The following WDR7 variants were observed in gnomAD, a reference collection of about 807,000 sequenced individuals.
WDR7 encodes WD repeat domain 7, also known as WD repeat-containing protein 7.
WDR7 carries 46 observed loss-of-function variants against 169.4 expected under a neutral mutation model. That is an observed-to-expected ratio of 0.27 (90% CI 0.21 to 0.35). WDR7 has a LOEUF of 0.35. Among genes scored for constraint, WDR7 ranks in the 10% least tolerant of loss-of-function variants. WDR7 has a pLI of 1.00. For synonymous variants in WDR7, 612 were observed against 666.8 expected (o/e 0.92, Z 1.27); for missense variants, 1,534 against 1,859.3 (o/e 0.83, Z 3.22).
At chr18:57,005,766 C>G (rs1489848974) in intron 26 of WDR7, among the ~76,000 whole-genome samples, 1 of 152,098 alleles carries the variant, frequency 6.6e-6, no homozygotes, top group African/African-American at 2.4e-5. Flanking sequence ...GAAGAATTGT[C>G]TTGGTCCACA....
chr18:57,025,936 C>T (rs1599257878), intron 27 of WDR7, among the ~76,000 whole-genome samples: 1 of 152,186 alleles, frequency 6.6e-6, no homozygotes, highest in Non-Finnish European at 1.5e-5. Context: ...TCATGCAAAT[C>T]TCTAGAATCT....
intron 21 of WDR7, among the ~76,000 whole-genome samples, chr18:56,888,921 GA>G (rs2046231133): frequency 6.6e-6 from 1 of 152,130 alleles, no homozygotes; most frequent in Non-Finnish European, 1.5e-5. Flanking sequence ...TAGTTACATA[GA>G]AGGCCTCAGT....
chr18:56,872,066 T>C (rs146986840), intron 20 of WDR7, among the ~76,000 whole-genome samples: 3 of 151,376 alleles, frequency 2.0e-5, no homozygotes, highest in Non-Finnish European at 4.4e-5. Flanking sequence ...CCTAATGCAA[T>C]AATAAAGCCC....
chr18:56,833,763 A>T (rs1261823126), intron 20 of WDR7, among the ~76,000 whole-genome samples: 2 of 152,328 alleles, frequency 1.3e-5, no homozygotes, highest in East Asian at 3.9e-4. Context: ...ATTCTAGACC[A>T]ATCTTTCCCG....
intron 13 of WDR7, among the ~76,000 whole-genome samples, chr18:56,730,120 C>T (rs189043289): frequency 6.1e-4 from 93 of 152,274 alleles, no homozygotes; most frequent in African/African-American, 2.1e-3. Flanking sequence ...TCTGTGCCTC[C>T]AATGTGCTGG....
At chr18:56,747,523 C>A (rs1042063884) in intron 14 of WDR7, among the ~76,000 whole-genome samples, 1 of 152,188 alleles carries the variant, frequency 6.6e-6, no homozygotes, top group Non-Finnish European at 1.5e-5. Flanking sequence ...CCAGTGGGCC[C>A]TGGCATTGGG....
At chr18:56,990,644 G>GATTTTAAAATGCAAAT (rs2047797985) in intron 26 of WDR7, among the ~76,000 whole-genome samples, 1 of 152,124 alleles carries the variant, frequency 6.6e-6, no homozygotes, top group Non-Finnish European at 1.5e-5. Flanking sequence ...TTTCCATCAT[G>GATTTTAAAATGCAAAT]ATTTTAAAAT....
chr18:56,668,677 A>G (rs2025070815), intron 1 of WDR7, among the ~76,000 whole-genome samples: 1 of 152,220 alleles, frequency 6.6e-6, no homozygotes, highest in Non-Finnish European at 1.5e-5. Flanking sequence ...AGTTGGTAGT[A>G]TTATTTCTAA....
intron 26 of WDR7, among the ~76,000 whole-genome samples, chr18:57,017,412 CTGTGTGTGTGTGTGTG>C (rs10571337): frequency 2.8e-5 from 4 of 143,752 alleles, no homozygotes; most frequent in South Asian, 2.3e-4. Context: ...CAGCATCATG[CTGTGTGTGTGTGTGTG>C]TGTGTGTGTG....
At chr18:56,895,419 A>G (rs567456851) in intron 21 of WDR7, among the ~76,000 whole-genome samples, 39 of 152,004 alleles carry the variant, frequency 2.6e-4, no homozygotes, top group African/African-American at 9.4e-4. Flanking sequence ...TACAATTTCA[A>G]CTTACCCAAT....
intron 21 of WDR7, among the ~76,000 whole-genome samples, chr18:56,889,203 G>A (rs1159429628): frequency 5.3e-5 from 8 of 152,186 alleles, no homozygotes; most frequent in Non-Finnish European, 1.0e-4. Flanking sequence ...GGGCAACCTT[G>A]CCAGCTTCCT....
At chr18:56,831,352 T>C (rs1209770463) in intron 20 of WDR7, among the ~76,000 whole-genome samples, 1 of 152,064 alleles carries the variant, frequency 6.6e-6, no homozygotes, top group Admixed American at 6.5e-5. Flanking sequence ...GCTGCTTTAC[T>C]CATATTCAGG....
At chr18:56,954,165 A>G (rs746696098) in intron 25 of WDR7, among the ~76,000 whole-genome samples, 1 of 152,244 alleles carries the variant, frequency 6.6e-6, no homozygotes, top group Non-Finnish European at 1.5e-5. Context: ...ATCCCTCTAA[A>G]ATCATTGACA....
chr18:56,763,617 T>C (rs2044015850), intron 16 of WDR7, among the ~76,000 whole-genome samples: 1 of 152,208 alleles, frequency 6.6e-6, no homozygotes. Context: ...CAGAATGAAT[T>C]AGGAAGTAGC....
At chr18:56,988,637 A>G (rs999302735) in intron 26 of WDR7, among the ~76,000 whole-genome samples, 58 of 113,920 alleles carry the variant, frequency 5.1e-4, no homozygotes, top group African/African-American at 1.2e-3. Flanking sequence ...GTGTGTGTGT[A>G]TAGAGTCGTC....
intron 3 of WDR7, 85 bp from the exon 4 acceptor site, chr18:56,681,228 G>A: frequency 1.1e-6 from 1 of 935,748 alleles, no homozygotes; most frequent in African/African-American, 1.7e-5. Context: ...AGTTTTAATG[G>A]AAGATTAATT....
chr18:56,895,043 A>G (rs1233071769), intron 21 of WDR7, among the ~76,000 whole-genome samples: 1 of 152,120 alleles, frequency 6.6e-6, no homozygotes, highest in Non-Finnish European at 1.5e-5. Context: ...ATTAAGCTGA[A>G]ACTAAAAGCT....
intron 15 of WDR7, 32 bp from the exon 16 acceptor site, chr18:56,758,833 A>G: frequency 6.5e-7 from 1 of 1,541,374 alleles, no homozygotes; most frequent in Non-Finnish European, 8.9e-7. Flanking sequence ...CAGTATCAAA[A>G]TATATCTTGT....
chr18:56,873,082 A>G (rs1014231628), intron 20 of WDR7, among the ~76,000 whole-genome samples: 1 of 152,166 alleles, frequency 6.6e-6, no homozygotes, highest in African/African-American at 2.4e-5. Flanking sequence ...TAGAAACACT[A>G]ATCAGTCAGT....
Sources: gnomAD v4.1 joint callset for allele counts (sites outside exome capture counted in the v4.1 genomes callset) on GRCh38, gnomAD v4.1.1 for gene constraint, MANE v1.5 for transcripts, NCBI Gene and HGNC (gene_info 2026-07-23, HGNC 2026-07-21) for gene names.